The following VWA3A variants were observed in gnomAD, a reference collection of about 807,000 sequenced individuals.
VWA3A encodes von Willebrand factor A domain containing 3A, also known as von Willebrand factor A domain-containing protein 3A.
Under a neutral mutation model 160.4 loss-of-function variants are expected in VWA3A, and 134 were observed. The ratio of observed to expected loss-of-function variants is 0.84; its 90% CI spans 0.73 to 0.96. The LOEUF (loss-of-function observed/expected upper bound fraction) is 0.96. Ranked by LOEUF, VWA3A falls within the 40% of genes least tolerant of loss-of-function variation. VWA3A has a pLI of 0.00. For missense variants in VWA3A, 1,310 were observed against 1,447.9 expected (o/e 0.90, Z 1.55); for synonymous variants, 476 against 543.4 (o/e 0.88, Z 1.72).
Position 22,117,145 on chromosome 16 carries a change from G to A in VWA3A, c.959G>A (p.Gly320Asp). 1 of 1,584,576 alleles carries A rather than the reference G, an allele frequency of 6.3e-7. No individual in the cohort carries two copies. Among genetic ancestry groups the A allele is most frequent in the South Asian group, 1.2e-5 (1 of 86,130 alleles). The change falls in exon 11 of 34, where the codon GGC becomes GAC. Residue 320 changes from glycine (G) to aspartate (D), a missense_variant. Physicochemically the swap from Gly to Asp is moderately conservative, Grantham distance 94 (BLOSUM62 -1). Coordinates refer to ENST00000389398, the MANE Select transcript of VWA3A (RefSeq NM_173615.5). ...VLKNLAEAVR[G>D]YYHCYSPKME... ...AAGAACCTTGCAGAAGCTGTTAGGG[G>A]CTACTACCACTGCTACAGCCCAAAG...
chr16:22,140,050 C>G, intron 22 of VWA3A, 104 bp from the exon 23 acceptor site: 5 of 1,114,514 alleles, frequency 4.5e-6, no homozygotes, highest in African/African-American at 1.5e-5. Context: ...CCCTTAGGCT[C>G]CTCCCTACAA....
rs1193576237 is a variant in VWA3A at position 22,096,990 on chromosome 16, G to A, written c.101+45G>A. On this transcript the variant is annotated intron_variant, in intron 2 of 33. Transcript: ENST00000389398. Reference sequence around the variant, plus strand: ...TTTTTTTTTTTTTTTTTTTGAGGCAGATTCTCGCACTGTCTCCCAGGCTGG... The same window carrying A: ...TTTTTTTTTTTTTTTTTTTGAGGCAAATTCTCGCACTGTCTCCCAGGCTGG... The A allele has an allele frequency of 8.4e-6, 10 of 1,194,422 alleles. No individual in the cohort carries two copies. In the Admixed American group the frequency reaches 2.1e-4, roughly 25 times the overall value. The allele number at this position is 1,194,422 out of a possible 1,614,324, so 74.0% of individuals were successfully genotyped here. A position where few individuals can be genotyped will look rare whatever the true frequency, so the allele number is the denominator to read the frequency against.
chr16:22,122,926 T>A (rs570700400), intron 14 of VWA3A, among the ~76,000 whole-genome samples, 159 bp from the exon 15 acceptor site: 1 of 151,502 alleles, frequency 6.6e-6, no homozygotes, highest in Admixed American at 6.6e-5. Flanking sequence ...GGTATTGGGG[T>A]GTGTGTGTGG....
rs2046450376 is a variant in VWA3A, at chr16:22,156,931, C to G, written c.*914C>G. The G allele has an allele frequency of 6.6e-6, 1 of 152,122 alleles. No homozygotes were observed. The highest frequency in any genetic ancestry group is 1.9e-4 in the East Asian group (1 of 5,198). 9.4% of individuals were successfully genotyped at this position (152,122 alleles called of 1,614,324 possible). ...AGTGACATAAAACTTTATTAAAAGA[C>G]TCATACCATAATAAAGAATTTCAAT... On this transcript the variant is annotated 3_prime_UTR_variant, in exon 34 of 34. Transcript: ENST00000389398.
chr16:22,125,948 C>G (rs964077719), intron 16 of VWA3A, among the ~76,000 whole-genome samples: 1 of 152,096 alleles, frequency 6.6e-6, no homozygotes, highest in South Asian at 2.1e-4. Context: ...CACCATGAGG[C>G]TTTATTCCAT....
chr16:22,142,786 G>A (rs760344902), intron 25 of VWA3A, 21 bp downstream of exon 25: 16 of 1,515,486 alleles, frequency 1.1e-5, no homozygotes. Context: ...ACCCATACTA[G>A]CACATGCCCA....
Position 22,092,669 on chromosome 16 carries a change from A to C in VWA3A, c.14+18A>C. 6.4e-7 allele frequency: 1 copy of C among 1,550,666 alleles called. No homozygotes were observed. The highest frequency in any genetic ancestry group is 8.7e-7 in the Non-Finnish European group (1 of 1,146,292). On this transcript the variant is annotated intron_variant, in intron 1 of 33. Transcript: ENST00000389398. ...AAATACAGGTGAGGGTGAGCATCAC[A>C]AGGGTTGACAGGGGTGGTGAGAGGG...
At chr16:22,108,006 T>C (rs2045505284) in intron 6 of VWA3A, among the ~76,000 whole-genome samples, 1 of 152,236 alleles carries the variant, frequency 6.6e-6, no homozygotes, top group Admixed American at 6.5e-5. Context: ...CTTGACACAG[T>C]CAAACTGTGC....
chr16:22,111,131 A>C (rs1198913213), intron 8 of VWA3A, 137 bp downstream of exon 8: 2 of 708,050 alleles, frequency 2.8e-6, no homozygotes, highest in African/African-American at 3.7e-5. Context: ...AACTCACAAA[A>C]GCAGAAACAA....
Position 22,138,401 on chromosome 16 carries a change from A to G in VWA3A, c.2181A>G (p.Lys727=). The part of the protein sequence containing the change: ...LMASLKNHSG[K]VLGSSALPKE... The stretch of plus-strand genomic sequence containing the variant: ...CCTCCCTGAAGAACCATTCAGGAAA[A>G]GTACTGGGAAGTTCAGCCCTCCCGA... Residue 727 remains lysine, a synonymous_variant, in exon 22 of 34, where the codon AAA becomes AAG. Transcript: ENST00000389398. 1 of 1,609,096 alleles carries G rather than the reference A, an allele frequency of 6.2e-7. No homozygotes were observed. Among genetic ancestry groups the G allele is most frequent in the Non-Finnish European group, 8.5e-7 (1 of 1,177,942 alleles).
chr16:22,115,611 TGCTC>T, intron 9 of VWA3A, 139 bp downstream of exon 9: 1 of 972,880 alleles, frequency 1.0e-6, no homozygotes, highest in Non-Finnish European at 1.4e-6. Context: ...ACAGGAGGAT[TGCTC>T]GAAGCCAGGA....
intron 30 of VWA3A, among the ~76,000 whole-genome samples, chr16:22,151,056 G>A (rs978423548): frequency 6.6e-6 from 1 of 152,098 alleles, no homozygotes; most frequent in Non-Finnish European, 1.5e-5. Flanking sequence ...GAGGCAGGTG[G>A]ATCACTTGAG....
chr16:22,108,161 T>C (rs2045506778), intron 6 of VWA3A, among the ~76,000 whole-genome samples: 1 of 151,750 alleles, frequency 6.6e-6, no homozygotes, highest in Non-Finnish European at 1.5e-5. Context: ...CCCCGGGAGG[T>C]AAGGATGTGT....
chr16:22,097,207 C>T (rs150969103), intron 2 of VWA3A, among the ~76,000 whole-genome samples: 4 of 152,092 alleles, frequency 2.6e-5, no homozygotes, highest in East Asian at 1.9e-4. Context: ...CCTCATGATC[C>T]GCCCGTCTCG....
intron 31 of VWA3A, among the ~76,000 whole-genome samples, chr16:22,154,064 C>A (rs1196854823): frequency 2.0e-5 from 3 of 151,936 alleles, no homozygotes; most frequent in East Asian, 1.9e-4. Flanking sequence ...GCCTGGGTAG[C>A]CTTACATGAC....
chr16:22,116,448 GAGAAGGAAGGAA>G (rs1038089851), intron 9 of VWA3A: 12 of 434,182 alleles, frequency 2.8e-5, no homozygotes, highest in African/African-American at 2.1e-4. Context: ...AGAGAGAGAG[GAGAAGGAAGGAA>G]AGAAGGAAGA....
chr16:22,155,902 G>C lies in VWA3A; in HGVS notation c.3555G>C (p.Ter1185TyrextTer15). Residue 1185 changes from the stop codon to tyrosine (Y), a stop_lost, in exon 33 of 34, where the codon TAG becomes TAC. Transcript: ENST00000389398. Reference protein sequence around the residue: ...NDAEPKVTLS* With the variant: ...NDAEPKVTLSY ...CAGAACCAAAGGTCACTCTTTCCTA[G>C]AGAAGTGTTCTCAGGTAAGGGGAGG... is the stretch of plus-strand genomic sequence containing the variant. The C allele has an allele frequency of 6.2e-7, 1 of 1,613,998 alleles. No individual in the cohort carries two copies.
intron 8 of VWA3A, among the ~76,000 whole-genome samples, chr16:22,112,095 A>C (rs2045560392): frequency 6.6e-6 from 1 of 152,110 alleles, no homozygotes; most frequent in South Asian, 2.1e-4. Flanking sequence ...CATTTGTTTT[A>C]ATGGCTACAT....
Position 22,118,922 on chromosome 16 carries a change from G to A in VWA3A, c.1011G>A (p.Met337Ile), listed in dbSNP as rs2045688725. ...CTCAGCACTACACCAGCCGGGACAT[G>A]GATGAGCTCCTGGCAGAAATTCAGA... is the stretch of plus-strand genomic sequence containing the variant. ...PKMEHYTSRD[M>I]DELLAEIQKA... is the part of the protein sequence containing the mutation. Residue 337 changes from methionine (M) to isoleucine (I), a missense_variant, in exon 12 of 34, where the codon ATG becomes ATA. Coordinates refer to ENST00000389398, the MANE Select transcript of VWA3A (RefSeq NM_173615.5). 3 of 1,613,804 alleles carry A rather than the reference G, an allele frequency of 1.9e-6. No individual in the cohort carries two copies. In the African/African-American group the frequency reaches 4.0e-5, roughly 22 times the overall value.
Sources: gnomAD v4.1 joint callset for allele counts (sites outside exome capture counted in the v4.1 genomes callset) on GRCh38, gnomAD v4.1.1 for gene constraint, MANE v1.5 for transcripts, NCBI Gene and HGNC (gene_info 2026-07-23, HGNC 2026-07-21) for gene names.